Variants in ABCG4 observed in about 807,000 individuals in gnomAD.
ABCG4 encodes ATP-binding cassette sub-family G member 4.
A neutral mutation model predicts 64.6 loss-of-function variants in ABCG4; 35 were observed. The observed-to-expected ratio is 0.54, with a 90% CI of 0.41 to 0.72. The LOEUF is 0.72. ABCG4 is among the 30% of genes least tolerant of loss of function. The pLI is 0.00. For synonymous variants in ABCG4, 326 were observed against 348.2 expected (o/e 0.94, Z 0.71); for missense variants, 610 against 846.3 (o/e 0.72, Z 3.46).
chr11:119,150,249 T>G lies in ABCG4; in HGVS notation c.238+46T>G, dbSNP rs780990886. 4 of 1,591,440 alleles carry G rather than the reference T, an allele frequency of 2.5e-6. No individual in the cohort carries two copies. ...GGGAGTCCGTGGGCCCTCTCTGAGT[T>G]GCCTCTCCAGAAGCATGAGGCCTGG... On this transcript the variant is annotated intron_variant, in intron 2 of 14. Coordinates refer to ENST00000619701, the MANE Select transcript of ABCG4 (RefSeq NM_022169.5). The surrounding 1 kb of genome is among the most constrained non-coding windows in gnomAD (Gnocchi z 4.3).
chr11:119,154,646 G>C lies in ABCG4; in HGVS notation c.540+71G>C. 1 of 1,599,934 alleles carries C rather than the reference G, an allele frequency of 6.3e-7. No homozygotes were observed. On this transcript the variant is annotated intron_variant, in intron 5 of 14. Transcript: ENST00000619701. The surrounding 1 kb of genome is among the most constrained non-coding windows in gnomAD (Gnocchi z 7.0). ...TGCTGAGCTCAAGGCCCCGAGCTGG[G>C]AGTGGGAGAGTGGTGGCCTAGGCCG...
Position 119,161,221 on chromosome 11 carries a change from T to A in ABCG4, c.*115T>A, listed in dbSNP as rs1486456128. ...ACTGGTTCCTGGCGGGGCTATCCTC[T>A]CCTCCCTTGGCTCCTCCACAGGCTG... On this transcript the variant is annotated 3_prime_UTR_variant, in exon 15 of 15. Transcript: ENST00000619701. 1.0e-6 allele frequency: 1 copy of A among 980,710 alleles called. No homozygotes were observed. The highest frequency in any genetic ancestry group is 2.7e-5 in the Admixed American group (1 of 36,372). 60.8% of individuals were successfully genotyped at this position (980,710 alleles called of 1,614,324 possible). A position where few individuals can be genotyped will look rare whatever the true frequency, so the allele number is the denominator to read the frequency against.
chr11:119,155,828 C>A lies in ABCG4; in HGVS notation c.687-501C>A, dbSNP rs964709401. 6.6e-5 allele frequency: 11 copies of A among 166,902 alleles called. No individual in the cohort carries two copies. The highest frequency in any genetic ancestry group is 9.1e-5 in the Non-Finnish European group (7 of 76,810). The allele number at this position is 166,902 out of a possible 1,614,324, so 10.3% of individuals were successfully genotyped here. On this transcript the variant is annotated intron_variant, in intron 6 of 14. Transcript: ENST00000619701. The surrounding 1 kb of genome is among the most constrained non-coding windows in gnomAD (Gnocchi z 4.5). Reference sequence around the variant, plus strand: ...CCCTGGTCAAGCCACATGTTTCATGCCTCTAAGCTTTGCCCATGCTGTGTC... The same window carrying A: ...CCCTGGTCAAGCCACATGTTTCATGACTCTAAGCTTTGCCCATGCTGTGTC...
Position 119,154,178 on chromosome 11 carries a change from C to T in ABCG4, c.356+35C>T, listed in dbSNP as rs200414547. 1.5e-4 allele frequency: 243 copies of T among 1,613,504 alleles called. 1 individual carries two copies. The South Asian group carries it at 2.6e-3, about 17-fold the overall frequency. The stretch of plus-strand genomic sequence containing the variant: ...AGACTGGGGTGGAATGGAGGCAGGA[C>T]TCAGGAAGAAGTATCCCTTGGGGAA... On this transcript the variant is annotated intron_variant, in intron 3 of 14. Transcript: ENST00000619701. This position sits in a 1 kb window ranked among gnomAD's most constrained non-coding sequence, Gnocchi z 7.0.
At position 119,156,923 on chromosome 11, in the gene ABCG4, G is replaced by C; in HGVS notation, c.977G>C (p.Arg326Thr). The part of the protein sequence containing the change: ...EYGDLNPMLF[R>T]AVQNGLCAMA... ...GGAGACCTGAACCCCATGTTGTTCA[G>C]GGCTGTGCAGAATGGGCTGTGCGCT... is the stretch of plus-strand genomic sequence containing the variant. The change falls in exon 9 of 15, where the codon AGG becomes ACG. Residue 326 changes from arginine (R) to threonine (T), a missense_variant. Coordinates refer to ENST00000619701, the MANE Select transcript of ABCG4 (RefSeq NM_022169.5). This position sits in a 1 kb window ranked among gnomAD's most constrained non-coding sequence, Gnocchi z 5.5. 1 of 1,613,992 alleles carries C rather than the reference G, an allele frequency of 6.2e-7. No individual in the cohort carries two copies.
chr11:119,157,655 C>T (rs1948282892), intron 9 of ABCG4, among the ~76,000 whole-genome samples: 1 of 135,568 alleles, frequency 7.4e-6, no homozygotes, highest in African/African-American at 3.0e-5. Context: ...GCGGGTGGGT[C>T]AGGAGATGGA....
rs1948266189 is a variant in ABCG4, at chr11:119,156,507, G to A, written c.810+55G>A. On this transcript the variant is annotated intron_variant, in intron 7 of 14. Transcript: ENST00000619701. The surrounding 1 kb of genome is among the most constrained non-coding windows in gnomAD (Gnocchi z 5.5). ...GGCCTGAGATGGAGGGATGGAAGGG[G>A]GTCAGTAGGGGTGCCTGGCCCGCTG... 7.4e-6 allele frequency: 12 copies of A among 1,614,006 alleles called. No individual in the cohort carries two copies. The highest frequency in any genetic ancestry group is 1.0e-5 in the Non-Finnish European group (12 of 1,179,942).
At position 119,158,748 on chromosome 11, in the gene ABCG4, T is replaced by A; in HGVS notation, c.1336+23T>A. ...CCTGTGAGCTGAGCTGCCCTGGGCA[T>A]GGGGCAAGGGTGTGGGTGCTGGGGC... On this transcript the variant is annotated intron_variant, in intron 11 of 14. Transcript: ENST00000619701. The surrounding 1 kb of genome is among the most constrained non-coding windows in gnomAD (Gnocchi z 4.5). 1 of 1,614,090 alleles carries A rather than the reference T, an allele frequency of 6.2e-7. No individual in the cohort carries two copies. Among genetic ancestry groups the A allele is most frequent in the Non-Finnish European group, 8.5e-7 (1 of 1,180,010 alleles).
In ABCG4 at chr11:119,156,914, T is replaced by C. The variant is rs761184976; in HGVS notation, c.968T>C (p.Met323Thr). The part of the protein sequence containing the change: ...ASGEYGDLNP[M>T]LFRAVQNGLC... ...GGCGAGTATGGAGACCTGAACCCCATGTTGTTCAGGGCTGTGCAGAATGGG... is the reference window on the plus strand; with the variant it reads ...GGCGAGTATGGAGACCTGAACCCCACGTTGTTCAGGGCTGTGCAGAATGGG... The change falls in exon 9 of 15, where the codon ATG becomes ACG. Residue 323 changes from methionine to threonine, a missense_variant. Met to Thr is a moderately conservative substitution (Grantham distance 81, BLOSUM62 -1). Transcript: ENST00000619701. This position sits in a 1 kb window ranked among gnomAD's most constrained non-coding sequence, Gnocchi z 5.5. The C allele has an allele frequency of 3.1e-6, 5 of 1,613,736 alleles. No homozygotes were observed. The highest frequency in any genetic ancestry group is 4.2e-6 in the Non-Finnish European group (5 of 1,179,850).
At position 119,161,026 on chromosome 11, in the gene ABCG4, C is replaced by A. The variant is rs750782915; in HGVS notation, c.1861C>A (p.Leu621Met). 22 of 1,613,956 alleles carry A rather than the reference C, an allele frequency of 1.4e-5. 1 individual carries two copies. The South Asian group carries it at 1.8e-4, about 13-fold the overall frequency. ...VEDAKLYMDF[L>M]VLGIFFLALR... The stretch of plus-strand genomic sequence containing the variant: ...GGATGCCAAGCTCTACATGGACTTC[C>A]TGGTCTTGGGCATCTTCTTCCTAGC... Residue 621 changes from leucine to methionine, a missense_variant, in exon 15 of 15, where the codon CTG becomes ATG. Physicochemically the swap from Leu to Met is conservative, Grantham distance 15. Transcript: ENST00000619701.
rs919036739 is a variant in ABCG4 at position 119,155,995 on chromosome 11, C to T, written c.687-334C>T. ...GAGCTGAATCCGCCCCCTCTTTCAC[C>T]CAGTGTTGCTACAGCACTTTCCACA... On this transcript the variant is annotated intron_variant, in intron 6 of 14. Transcript: ENST00000619701. This position sits in a 1 kb window ranked among gnomAD's most constrained non-coding sequence, Gnocchi z 4.5. The T allele has an allele frequency of 1.1e-5, 3 of 285,008 alleles. No individual in the cohort carries two copies. Among genetic ancestry groups the T allele is most frequent in the Non-Finnish European group, 2.0e-5 (3 of 146,608 alleles). 17.7% of individuals were successfully genotyped at this position (285,008 alleles called of 1,614,324 possible).
Position 119,156,846 on chromosome 11 carries a change from C to G in ABCG4, c.926-26C>G, listed in dbSNP as rs752683046. On this transcript the variant is annotated intron_variant, in intron 8 of 14. Coordinates refer to ENST00000619701, the MANE Select transcript of ABCG4 (RefSeq NM_022169.5). The surrounding 1 kb of genome is among the most constrained non-coding windows in gnomAD (Gnocchi z 5.5). Reference sequence around the variant, plus strand: ...CTTGGGAAGTGAGTGTGAATCTAAACTGAGCTCTCCACTCTGTGTCCCCAG... The same window carrying G: ...CTTGGGAAGTGAGTGTGAATCTAAAGTGAGCTCTCCACTCTGTGTCCCCAG... The G allele has an allele frequency of 6.3e-7, 1 of 1,598,768 alleles. No individual in the cohort carries two copies. Among genetic ancestry groups the G allele is most frequent in the Non-Finnish European group, 8.5e-7 (1 of 1,171,308 alleles).
Position 119,160,298 on chromosome 11 carries a change from C to A in ABCG4, c.1509C>A (p.Phe503Leu). The A allele has an allele frequency of 6.2e-7, 1 of 1,614,004 alleles. No homozygotes were observed. Among genetic ancestry groups the A allele is most frequent in the Non-Finnish European group, 8.5e-7 (1 of 1,179,930 alleles). The part of the protein sequence containing the change: ...MTGQPAETSR[F>L]LLFSALATAT... ...GCCAGCCCGCTGAGACCAGCCGCTTCCTGCTCTTCTCAGCCCTGGCCACCG... is the reference window on the plus strand; with the variant it reads ...GCCAGCCCGCTGAGACCAGCCGCTTACTGCTCTTCTCAGCCCTGGCCACCG... The change falls in exon 13 of 15, where the codon TTC becomes TTA. Residue 503 changes from phenylalanine to leucine, a missense_variant. By Grantham distance (22) the Phe-to-Leu change is conservative (BLOSUM62 0). Transcript: ENST00000619701. The surrounding 1 kb of genome is among the most constrained non-coding windows in gnomAD (Gnocchi z 4.6).
intron 2 of ABCG4, among the ~76,000 whole-genome samples, chr11:119,152,100 C>T (rs1406196050): frequency 2.0e-5 from 3 of 152,178 alleles, no homozygotes; most frequent in Admixed American, 2.0e-4. Flanking sequence ...GAGATCACTT[C>T]CTGTGAGTGG....
At position 119,150,941 on chromosome 11, in the gene ABCG4, G is replaced by A. The variant is rs1252941960; in HGVS notation, c.238+738G>A. ...AGCTGCTAGTAGGGAAGCTGAGGCT[G>A]TTTCCCAGAGCCTGGGTGTGGGCCA... On this transcript the variant is annotated intron_variant, in intron 2 of 14. Transcript: ENST00000619701. This position sits in a 1 kb window ranked among gnomAD's most constrained non-coding sequence, Gnocchi z 4.3. Among the ~76,000 whole-genome samples, 1 of 152,242 alleles carries A rather than the reference G, an allele frequency of 6.6e-6. No homozygotes were observed. Among genetic ancestry groups the A allele is most frequent in the African/African-American group, 2.4e-5 (1 of 41,468 alleles).
chr11:119,154,514 C>G lies in ABCG4; in HGVS notation c.490-11C>G. On this transcript the variant is annotated splice_polypyrimidine_tract_variant and intron_variant, in intron 4 of 14. Transcript: ENST00000619701. The surrounding 1 kb of genome is among the most constrained non-coding windows in gnomAD (Gnocchi z 7.0). ...CACACATACTTTTCTTGCTTACTCT[C>G]TGGGCCCCAGGTCTCTGCTAACCTG... The G allele has an allele frequency of 1.2e-6, 2 of 1,614,128 alleles. No homozygotes were observed. The highest frequency in any genetic ancestry group is 1.7e-6 in the Non-Finnish European group (2 of 1,180,008).
rs1565814298 is a variant in ABCG4 at position 119,154,892 on chromosome 11, C to CA, written c.664dup (p.Met222AsnfsTer4). Reference sequence around the variant, plus strand: ...TGGAGCTGGTCAACAACCCGCCTGTCATGTTCTTTGATGAGCCCACCAGGT... The same window carrying CA: ...TGGAGCTGGTCAACAACCCGCCTGTCAATGTTCTTTGATGAGCCCACCAGGT... On this transcript the variant is annotated frameshift_variant, in exon 6 of 15. Transcript: ENST00000619701. LOFTEE classifies it high-confidence loss of function. The surrounding 1 kb of genome is among the most constrained non-coding windows in gnomAD (Gnocchi z 7.0). The CA allele has an allele frequency of 6.2e-7, 1 of 1,613,010 alleles. No individual in the cohort carries two copies. The highest frequency in any genetic ancestry group is 8.5e-7 in the Non-Finnish European group (1 of 1,179,048).
intron 2 of ABCG4, among the ~76,000 whole-genome samples, chr11:119,151,330 C>T (rs1948191261): frequency 6.6e-6 from 1 of 152,252 alleles, no homozygotes; most frequent in South Asian, 2.1e-4. Flanking sequence ...ATATCCCTCA[C>T]CTGGCCCTTC....
At position 119,157,895 on chromosome 11, in the gene ABCG4, C is replaced by A. The variant is rs1227857116; in HGVS notation, c.1069-339C>A. On this transcript the variant is annotated intron_variant, in intron 9 of 14. Transcript: ENST00000619701. ...ACAAAACAAAACAAAACAAAAAAAACCCAAAACAAAACAAAAAAGGAATTA... is the reference window on the plus strand; with the variant it reads ...ACAAAACAAAACAAAACAAAAAAAAACCAAAACAAAACAAAAAAGGAATTA... Among the ~76,000 whole-genome samples the A allele has an allele frequency of 3.3e-5, 5 of 152,042 alleles. No individual in the cohort carries two copies. In the East Asian group the frequency reaches 5.8e-4, roughly 18 times the overall value.
Sources: allele counts gnomAD v4.1 joint callset (sites outside exome capture counted in the v4.1 genomes callset), GRCh38; gene constraint gnomAD v4.1.1; non-coding constraint Gnocchi (gnomAD v3.1); transcripts MANE v1.5; gene names NCBI Gene and HGNC (gene_info 2026-07-23, HGNC 2026-07-21).